LZTFL1: variants seen among roughly 807,000 people sequenced by gnomAD.
LZTFL1 encodes the protein leucine zipper transcription factor-like protein 1.
A neutral mutation model predicts 45.9 loss-of-function variants in LZTFL1; 25 were observed. The observed-to-expected ratio is 0.54, with a 90% CI of 0.40 to 0.76. The LOEUF is 0.76. Ranked by LOEUF, LZTFL1 falls within the 30% of genes least tolerant of loss-of-function variation. The probability of loss-of-function intolerance (pLI) is 0.00; values close to 1 mark genes in which losing one functional copy is unlikely to be tolerated. For synonymous variants in LZTFL1, 93 were observed against 117.4 expected, an observed-to-expected ratio of 0.79 and a Z score of 1.35; for missense variants, 277 against 331.1, an observed-to-expected ratio of 0.84 and a Z score of 1.27.
chr3:45,842,159 G>T, upstream of LZTFL1: 1 of 1,492,656 alleles, frequency 6.7e-7, no homozygotes, highest in East Asian at 2.5e-5. Context: ...CTGCAATTAT[G>T]CATTTTCATT....
At chr3:45,837,312 G>A (rs1700992075) in intron 2 of LZTFL1, among the ~76,000 whole-genome samples, 1 of 152,206 alleles carries the variant, frequency 6.6e-6, no homozygotes. Context: ...TTAATGGACT[G>A]AATGGTCTAA....
chr3:45,890,238 C>A (rs1702105787), intron 2 of LZTFL1, among the ~76,000 whole-genome samples: 1 of 29,696 alleles, frequency 3.4e-5, no homozygotes, highest in Admixed American at 4.4e-4. Flanking sequence ...AAGGAGGTGA[C>A]ATAAGCCCTG....
chr3:45,838,497 G>A (rs535649280), intron 1 of LZTFL1, among the ~76,000 whole-genome samples: 26 of 152,336 alleles, frequency 1.7e-4, no homozygotes, highest in Admixed American at 5.9e-4. Context: ...TTAAGTGAGA[G>A]CGAAATAAAC....
At chr3:45,910,533 A>G (rs1450753550) in intron 2 of LZTFL1, among the ~76,000 whole-genome samples, 2 of 152,178 alleles carry the variant, frequency 1.3e-5, no homozygotes, top group East Asian at 1.9e-4. Context: ...CCTGGCTAGG[A>G]GCAGCTTCCC....
intron 1 of LZTFL1, among the ~76,000 whole-genome samples, chr3:45,839,024 G>T (rs997569239): frequency 6.6e-6 from 1 of 152,206 alleles, no homozygotes; most frequent in Admixed American, 6.5e-5. Flanking sequence ...GTATGGGCAA[G>T]AATATCCCAC....
chr3:45,889,600 G>A (rs192942416), intron 2 of LZTFL1, among the ~76,000 whole-genome samples: 60 of 151,790 alleles, frequency 4.0e-4, no homozygotes, highest in African/African-American at 1.4e-3. Flanking sequence ...AAACATGAAA[G>A]TTCATTTTCC....
intron 1 of LZTFL1, among the ~76,000 whole-genome samples, chr3:45,838,814 G>A (rs1045089700): frequency 6.6e-6 from 1 of 152,234 alleles, no homozygotes; most frequent in Non-Finnish European, 1.5e-5. Context: ...GGTGGCATAA[G>A]TCTTTAAGGT....
intron 5 of LZTFL1, 119 bp from the exon 6 acceptor site, chr3:45,831,257 G>T (rs548003850): frequency 3.3e-6 from 2 of 600,340 alleles, no homozygotes; most frequent in Non-Finnish European, 5.6e-6. Context: ...GCTCAAAAAT[G>T]TACTACTGAT....
intron 2 of LZTFL1, among the ~76,000 whole-genome samples, chr3:45,859,434 C>G (rs1463311483): frequency 6.6e-6 from 1 of 152,018 alleles, no homozygotes; most frequent in Non-Finnish European, 1.5e-5. Context: ...GCTTTTTTGC[C>G]CACGGTGGTT....
At chr3:45,890,638 G>C (rs1310644020) in intron 2 of LZTFL1, among the ~76,000 whole-genome samples, 1 of 151,980 alleles carries the variant, frequency 6.6e-6, no homozygotes, top group Non-Finnish European at 1.5e-5. Flanking sequence ...CAGAGCTGAA[G>C]ATGTCAGAAC....
intron 2 of LZTFL1, among the ~76,000 whole-genome samples, chr3:45,907,123 G>A (rs1358754443): frequency 2.0e-5 from 3 of 152,084 alleles, no homozygotes; most frequent in South Asian, 2.1e-4. Flanking sequence ...GCTGGCTTCC[G>A]CCCTGGCTCT....
intron 9 of LZTFL1, 26 bp downstream of exon 9, chr3:45,827,330 C>A (rs1700694396): frequency 6.7e-7 from 1 of 1,502,822 alleles, no homozygotes; most frequent in Non-Finnish European, 9.3e-7. Context: ...AGAGAGAAAT[C>A]CAAAGGCGGG....
upstream of LZTFL1, among the ~76,000 whole-genome samples, chr3:45,842,364 G>A (rs1358662969): frequency 6.6e-6 from 1 of 152,232 alleles, no homozygotes. Context: ...GCCTCGTGGC[G>A]TCCGCTTATG....
chr3:45,842,292 T>G (rs1192760793), upstream of LZTFL1: 2 of 781,236 alleles, frequency 2.6e-6, no homozygotes, highest in Non-Finnish European at 3.8e-6. Context: ...TGACTGCAGT[T>G]GCAGAAGGTA....
chr3:45,906,872 A>G (rs369392466), intron 2 of LZTFL1, among the ~76,000 whole-genome samples: 2 of 152,034 alleles, frequency 1.3e-5, no homozygotes, highest in Non-Finnish European at 2.9e-5. Context: ...TCCCTGCCCC[A>G]TTCCCCTGCC....
At chr3:45,871,791 AG>A (rs1701675104) in intron 2 of LZTFL1, among the ~76,000 whole-genome samples, 1 of 152,218 alleles carries the variant, frequency 6.6e-6, no homozygotes, top group Admixed American at 6.5e-5. Flanking sequence ...CAGTTCTACC[AG>A]GCGCTTTATA....
chr3:45,913,766 T>G (rs1333049125), intron 1 of LZTFL1, among the ~76,000 whole-genome samples: 1 of 152,186 alleles, frequency 6.6e-6, no homozygotes, highest in African/African-American at 2.4e-5. Context: ...CCGACCAGCT[T>G]AGGAACTCCC....
At chr3:45,908,974 C>G (rs1266629332) in intron 2 of LZTFL1, among the ~76,000 whole-genome samples, 1 of 152,134 alleles carries the variant, frequency 6.6e-6, no homozygotes, top group Non-Finnish European at 1.5e-5. Flanking sequence ...GCATCACCGC[C>G]TGAGCTTCGC....
rs545341050 is a variant in LZTFL1 at position 45,823,600 on chromosome 3, C to A, written c.*2714G>T. On this transcript the variant is annotated 3_prime_UTR_variant, in exon 10 of 10. Transcript: ENST00000296135. ...GTCATTACCTTTAAGTATAATATTT[C>A]CCCTTTTTCCTAAGCAGTTTTGAAA... is the stretch of plus-strand genomic sequence containing the variant. 3 of 152,204 alleles carry A rather than the reference C, an allele frequency of 2.0e-5. No individual in the cohort carries two copies. Among genetic ancestry groups the A allele is most frequent in the Non-Finnish European group, 4.4e-5 (3 of 68,042 alleles). The allele number at this position is 152,204 out of a possible 1,614,324, so 9.4% of individuals were successfully genotyped here.
Sources: gnomAD v4.1 joint callset for allele counts (sites outside exome capture counted in the v4.1 genomes callset) on GRCh38, gnomAD v4.1.1 for gene constraint, MANE v1.5 for transcripts, NCBI Gene and HGNC (gene_info 2026-07-23, HGNC 2026-07-21) for gene names.